Variants in PRKCA observed in about 807,000 individuals in gnomAD.
PRKCA encodes the protein protein kinase C alpha type.
PRKCA carries 27 observed loss-of-function variants against 87.0 expected under a neutral mutation model. That is an observed-to-expected ratio of 0.31 (90% CI 0.23 to 0.43). PRKCA has a LOEUF of 0.43. Among genes scored for constraint, PRKCA ranks in the 20% least tolerant of loss-of-function variants. The probability of loss-of-function intolerance (pLI) is 1.00; values close to 1 mark genes in which losing one functional copy is unlikely to be tolerated. For missense variants in PRKCA, 518 were observed against 852.3 expected (o/e 0.61, Z 4.88); for synonymous variants, 329 against 311.1 (o/e 1.06, Z -0.61).
chr17:66,605,493 T>C (rs1290708695), intron 3 of PRKCA, among the ~76,000 whole-genome samples: 1 of 152,188 alleles, frequency 6.6e-6, no homozygotes, highest in Non-Finnish European at 1.5e-5. Context: ...TTGAAAACCT[T>C]GTAACTTCTG....
intron 2 of PRKCA, among the ~76,000 whole-genome samples, chr17:66,405,211 G>A (rs185193947): frequency 1.9e-3 from 290 of 152,314 alleles, no homozygotes; most frequent in African/African-American, 6.8e-3. Context: ...CACTCCACAC[G>A]TGAGGCAGGT....
At position 66,623,164 on chromosome 17, in the gene PRKCA, G is replaced by A. The variant is rs147382319; in HGVS notation, c.289-18191G>A. Among the ~76,000 whole-genome samples, 735 of 152,306 alleles carry A rather than the reference G, an allele frequency of 4.8e-3. 8 individuals carry two copies. The highest frequency in any genetic ancestry group is 0.015 in the African/African-American group (608 of 41,556). The stretch of plus-strand genomic sequence containing the variant: ...CAGAATGCCTGTGTTATCACTTGTA[G>A]CAATAGAAATTCACAAATGTAATCA... On this transcript the variant is annotated intron_variant, in intron 3 of 16. Coordinates refer to ENST00000413366, the MANE Select transcript of PRKCA (RefSeq NM_002737.3).
chr17:66,506,043 C>A lies in PRKCA; in HGVS notation c.288+9760C>A, dbSNP rs1916961449. 2.0e-5 allele frequency among the ~76,000 whole-genome samples: 3 copies of A among 152,222 alleles called. No homozygotes were observed. In the South Asian group the frequency reaches 6.2e-4, roughly 32 times the overall value. ...AGGCGCTGTGGCTCATGCCTATAAT[C>A]CCAGCACTTTGGGAGGTCAAGGCAG... is the stretch of plus-strand genomic sequence containing the variant. On this transcript the variant is annotated intron_variant, in intron 3 of 16. Transcript: ENST00000413366.
intron 3 of PRKCA, among the ~76,000 whole-genome samples, chr17:66,514,208 C>T (rs748299378): frequency 1.3e-5 from 2 of 152,132 alleles, no homozygotes; most frequent in Admixed American, 6.6e-5. Flanking sequence ...GTACTAGCCA[C>T]GGTTTCAGGC....
chr17:66,588,545 G>T (rs1329080402), intron 3 of PRKCA, among the ~76,000 whole-genome samples: 1 of 147,678 alleles, frequency 6.8e-6, no homozygotes, highest in African/African-American at 2.5e-5. Context: ...TTGGTGGTGT[G>T]TTAAACTAAT....
intron 5 of PRKCA, among the ~76,000 whole-genome samples, chr17:66,684,237 G>A (rs984616909): frequency 5.9e-5 from 9 of 152,180 alleles, no homozygotes; most frequent in South Asian, 2.1e-4. Flanking sequence ...TGCTCTCACC[G>A]AGTGCCTATC....
At chr17:66,306,294 T>G in intron 2 of PRKCA, 167 bp downstream of exon 2, 1 of 579,812 alleles carries the variant, frequency 1.7e-6, no homozygotes, top group East Asian at 3.1e-5. Flanking sequence ...TGGGGCCTAC[T>G]AATCTGCATA....
At chr17:66,332,225 CCTTCTT>C (rs1454757992) in intron 2 of PRKCA, among the ~76,000 whole-genome samples, 46 of 142,516 alleles carry the variant, frequency 3.2e-4, no homozygotes, top group African/African-American at 1.1e-3. Context: ...TTCCTTCCTT[CCTTCTT>C]TTTTTTTTTT....
At chr17:66,447,246 C>T (rs968151184) in intron 2 of PRKCA, among the ~76,000 whole-genome samples, 2 of 152,094 alleles carry the variant, frequency 1.3e-5, no homozygotes, top group Non-Finnish European at 2.9e-5. Flanking sequence ...TGAGAGAGGC[C>T]TTGGGGTTTT....
At chr17:66,791,340 TTC>T (rs903239986) in intron 16 of PRKCA, among the ~76,000 whole-genome samples, 1 of 151,856 alleles carries the variant, frequency 6.6e-6, no homozygotes, top group African/African-American at 2.4e-5. Flanking sequence ...AGGAAGAGAT[TTC>T]TCAGGCAGAA....
intron 13 of PRKCA, among the ~76,000 whole-genome samples, chr17:66,749,410 C>T (rs902350607): frequency 2.0e-5 from 3 of 152,142 alleles, no homozygotes; most frequent in African/African-American, 7.2e-5. Context: ...CAGCATGTCC[C>T]ACCCCAGGCA....
rs191289016 is a variant in PRKCA at position 66,477,332 on chromosome 17, G to A, written c.206-18869G>A. On this transcript the variant is annotated intron_variant, in intron 2 of 16. Transcript: ENST00000413366. ...AGTTCTTCAAATGTTAGCCAGGGGC[G>A]TTGCTTAACAAGCCTACCCAAGGGT... is the stretch of plus-strand genomic sequence containing the variant. Among the ~76,000 whole-genome samples the A allele has an allele frequency of 1.4e-4, 22 of 152,286 alleles. No individual in the cohort carries two copies. In the East Asian group the frequency reaches 3.1e-3, roughly 21 times the overall value.
intron 16 of PRKCA, chr17:66,796,355 C>T: frequency 1.2e-6 from 1 of 841,554 alleles, no homozygotes; most frequent in Non-Finnish European, 1.4e-6. Context: ...GGGTTTATAG[C>T]ATTCTTTGCG....
At chr17:66,439,039 G>T (rs1197946172) in intron 2 of PRKCA, among the ~76,000 whole-genome samples, 1 of 152,160 alleles carries the variant, frequency 6.6e-6, no homozygotes, top group African/African-American at 2.4e-5. Flanking sequence ...CATCATTATT[G>T]TCAGCAGTAA....
In PRKCA at chr17:66,587,891, GTGTGTATA is replaced by G. The variant is rs1346617714; in HGVS notation, c.289-53462_289-53455del. Among the ~76,000 whole-genome samples the G allele has an allele frequency of 2.7e-3, 235 of 87,118 alleles. 29 individuals carry two copies. Among genetic ancestry groups the G allele is most frequent in the African/African-American group, 5.4e-3 (103 of 18,998 alleles). 57.2% of individuals were successfully genotyped at this position (87,118 alleles called of 152,430 possible). A position where few individuals can be genotyped will look rare whatever the true frequency, so the allele number is the denominator to read the frequency against. On this transcript the variant is annotated intron_variant, in intron 3 of 16. Transcript: ENST00000413366. ...TGTATGTGTGTGTGTGTGTGTGTGTGTGTGTATATATATATATATATATATATATATAT... is the reference window on the plus strand; with the variant it reads ...TGTATGTGTGTGTGTGTGTGTGTGTGTATATATATATATATATATATATAT...
Position 66,306,093 on chromosome 17 carries a change from C to T in PRKCA, c.174-3C>T, listed in dbSNP as rs762372639. ...ATATTTTGTTCTTGTTTTTGTTTTTCAGGGGGTTTGGGAAACAAGGCTTCC... is the reference window on the plus strand; with the variant it reads ...ATATTTTGTTCTTGTTTTTGTTTTTTAGGGGGTTTGGGAAACAAGGCTTCC... On this transcript the variant is annotated splice_polypyrimidine_tract_variant and splice_region_variant and intron_variant, in intron 1 of 16. Transcript: ENST00000413366. The T allele has an allele frequency of 6.2e-7, 1 of 1,611,044 alleles. No homozygotes were observed. Among genetic ancestry groups the T allele is most frequent in the Non-Finnish European group, 8.5e-7 (1 of 1,178,972 alleles).
chr17:66,637,877 T>C (rs931026814), intron 3 of PRKCA, among the ~76,000 whole-genome samples: 1 of 152,120 alleles, frequency 6.6e-6, no homozygotes, highest in Non-Finnish European at 1.5e-5. Context: ...TTCCAAGTGA[T>C]GTGATGCTGT....
At chr17:66,481,633 A>G (rs924439493) in intron 2 of PRKCA, among the ~76,000 whole-genome samples, 1 of 151,926 alleles carries the variant, frequency 6.6e-6, no homozygotes, top group Non-Finnish European at 1.5e-5. Context: ...TTCTCCCCAC[A>G]CCATCTTTTT....
intron 2 of PRKCA, among the ~76,000 whole-genome samples, chr17:66,362,492 A>G (rs1392098213): frequency 2.6e-5 from 4 of 152,062 alleles, no homozygotes; most frequent in Admixed American, 1.3e-4. Context: ...GTTCAATGTT[A>G]TAATTGCCTG....
Sources: gnomAD v4.1 joint callset for allele counts (sites outside exome capture counted in the v4.1 genomes callset) on GRCh38, gnomAD v4.1.1 for gene constraint, MANE v1.5 for transcripts, NCBI Gene and HGNC (gene_info 2026-07-23, HGNC 2026-07-21) for gene names.